Variants in SPDYE2B observed in about 807,000 individuals in gnomAD.
The protein encoded by SPDYE2B is speedy/RINGO cell cycle regulator family member E2B.
intron 5 of SPDYE2B, among the ~76,000 whole-genome samples, chr7:102,657,179 G>T (rs1791893228): frequency 1.4e-5 from 1 of 69,146 alleles, no homozygotes; most frequent in East Asian, 4.1e-4. Context: ...TTTGGGATCT[G>T]AGCTCTGGGC....
At position 102,662,018 on chromosome 7, in the gene SPDYE2B, A is replaced by G. The variant is rs1791947934; in HGVS notation, c.*918A>G. On this transcript the variant is annotated 3_prime_UTR_variant, in exon 9 of 9. Transcript: ENST00000507450. Reference sequence around the variant, plus strand: ...AGATATATATACTAACACGTCTAATATATACTATCTATTTTATTGGTTTAT... The same window carrying G: ...AGATATATATACTAACACGTCTAATGTATACTATCTATTTTATTGGTTTAT... Among the ~76,000 whole-genome samples, 1 of 35,352 alleles carries G rather than the reference A, an allele frequency of 2.8e-5. No individual in the cohort carries two copies. The highest frequency in any genetic ancestry group is 5.2e-5 in the African/African-American group (1 of 19,376). 23.2% of individuals were successfully genotyped at this position (35,352 alleles called of 152,430 possible).
chr7:102,659,901 A>AG lies in SPDYE2B; in HGVS notation c.970dup (p.Ala324GlyfsTer13). ...CCAGTTATACCGTTCCACGAACCCGAGGGCCAGGAAGAACCGCTCTCGCAT... is the reference window on the plus strand; with the variant it reads ...CCAGTTATACCGTTCCACGAACCCGAGGGGCCAGGAAGAACCGCTCTCGCAT... On this transcript the variant is annotated frameshift_variant, in exon 7 of 9. Coordinates refer to ENST00000507450, the MANE Select transcript of SPDYE2B (RefSeq NM_001166339.2). LOFTEE classifies it high-confidence loss of function. 9.7e-6 allele frequency: 3 copies of AG among 309,612 alleles called. No homozygotes were observed. The highest frequency in any genetic ancestry group is 1.6e-5 in the Non-Finnish European group (3 of 183,246). 19.2% of individuals were successfully genotyped at this position (309,612 alleles called of 1,614,324 possible).
At chr7:102,654,324 C>CAAAAAAAAAAAAAAAA (rs1284683166) in intron 3 of SPDYE2B, among the ~76,000 whole-genome samples, 10 of 96,076 alleles carry the variant, frequency 1.0e-4, no homozygotes, top group South Asian at 4.2e-4. Flanking sequence ...GACGCTGTCT[C>CAAAAAAAAAAAAAAAA]AAAAAAAAAA....
chr7:102,651,460 TGGAAG>T (rs1246107725), intron 1 of SPDYE2B, among the ~76,000 whole-genome samples: 32 of 17,082 alleles, frequency 1.9e-3, no homozygotes, highest in African/African-American at 7.5e-3. Context: ...AATCCATAAA[TGGAAG>T]GGAAATTTCT....
In SPDYE2B at chr7:102,662,225, A is replaced by G. The variant is rs1473535026; in HGVS notation, c.*1125A>G. On this transcript the variant is annotated 3_prime_UTR_variant, in exon 9 of 9. Transcript: ENST00000507450. ...GTGTGATGGATATTATAACTGTTATATACACATACATATAATTTTGTTTTC... is the reference window on the plus strand; with the variant it reads ...GTGTGATGGATATTATAACTGTTATGTACACATACATATAATTTTGTTTTC... 1.9e-5 allele frequency among the ~76,000 whole-genome samples: 1 copy of G among 53,450 alleles called. No individual in the cohort carries two copies. The highest frequency in any genetic ancestry group is 4.2e-5 in the African/African-American group (1 of 23,664). The allele number at this position is 53,450 out of a possible 152,430, so 35.1% of individuals were successfully genotyped here. A position where few individuals can be genotyped will look rare whatever the true frequency, so the allele number is the denominator to read the frequency against.
chr7:102,651,104 C>CT lies in SPDYE2B; in HGVS notation c.-422+734dup, dbSNP rs1322924566. Among the ~76,000 whole-genome samples, 5 of 118,610 alleles carry CT rather than the reference C, an allele frequency of 4.2e-5. 1 individual carries two copies. Among genetic ancestry groups the CT allele is most frequent in the African/African-American group, 1.6e-4 (5 of 31,236 alleles). 77.8% of individuals were successfully genotyped at this position (118,610 alleles called of 152,430 possible). ...ACTCTTTTATTTTTTATCAAAAAAA[C>CT]TTTTTTTGACACAGTATCTTGCTGT... On this transcript the variant is annotated intron_variant, in intron 1 of 8. Transcript: ENST00000507450.
At chr7:102,659,449 A>T (rs2133554940) in intron 6 of SPDYE2B, among the ~76,000 whole-genome samples, 1 of 66,598 alleles carries the variant, frequency 1.5e-5, no homozygotes, top group South Asian at 7.4e-4. Context: ...CTGGGATTCC[A>T]GGCGTAAGCC....
At position 102,662,046 on chromosome 7, in the gene SPDYE2B, T is replaced by G. The variant is rs1381613467; in HGVS notation, c.*946T>G. The stretch of plus-strand genomic sequence containing the variant: ...TACTATCTATTTTATTGGTTTATTT[T>G]GAAAAACATGGGTATAGAATTATTT... On this transcript the variant is annotated 3_prime_UTR_variant, in exon 9 of 9. Transcript: ENST00000507450. Among the ~76,000 whole-genome samples, 2 of 52,048 alleles carry G rather than the reference T, an allele frequency of 3.8e-5. 1 individual carries two copies. The highest frequency in any genetic ancestry group is 1.1e-4 in the Non-Finnish European group (2 of 18,860). 34.1% of individuals were successfully genotyped at this position (52,048 alleles called of 152,430 possible).
At position 102,662,039 on chromosome 7, in the gene SPDYE2B, T is replaced by C. The variant is rs1791948494; in HGVS notation, c.*939T>C. On this transcript the variant is annotated 3_prime_UTR_variant, in exon 9 of 9. Transcript: ENST00000507450. ...TAATATATACTATCTATTTTATTGG[T>C]TTATTTTGAAAAACATGGGTATAGA... Among the ~76,000 whole-genome samples the C allele has an allele frequency of 2.0e-5, 1 of 49,520 alleles. No homozygotes were observed. The allele number at this position is 49,520 out of a possible 152,430, so 32.5% of individuals were successfully genotyped here. A position where few individuals can be genotyped will look rare whatever the true frequency, so the allele number is the denominator to read the frequency against.
intron 6 of SPDYE2B, among the ~76,000 whole-genome samples, chr7:102,659,406 C>G: frequency 6.8e-6 from 1 of 146,644 alleles, no homozygotes; most frequent in Non-Finnish European, 1.5e-5. Flanking sequence ...CTCCTGGCCT[C>G]AAGTGATCCT....
intron 2 of SPDYE2B, chr7:102,653,003 GA>G (rs1326353177): frequency 5.3e-4 from 14 of 26,356 alleles, no homozygotes; most frequent in African/African-American, 1.1e-3. Context: ...CCAACATGGT[GA>G]AACCCTGTCT....
At chr7:102,659,360 CG>C (rs1791932499) in intron 6 of SPDYE2B, among the ~76,000 whole-genome samples, 1 of 151,908 alleles carries the variant, frequency 6.6e-6, no homozygotes, top group Admixed American at 6.6e-5. Context: ...TTAATAGAGA[CG>C]AGGGTCTTGC....
chr7:102,650,319 AC>A lies in SPDYE2B; in HGVS notation c.-477del, dbSNP rs1791718696. On this transcript the variant is annotated 5_prime_UTR_variant, in exon 1 of 9. Coordinates refer to ENST00000507450, the MANE Select transcript of SPDYE2B (RefSeq NM_001166339.2). ...AAGGAGGTGCTTCCTGGTTCACCCC[AC>A]CCTCAGCAGAGACAGACCCCAGATC... 1.4e-5 allele frequency: 1 copy of A among 72,382 alleles called. No homozygotes were observed. Among genetic ancestry groups the A allele is most frequent in the African/African-American group, 3.5e-5 (1 of 28,888 alleles). 4.5% of individuals were successfully genotyped at this position (72,382 alleles called of 1,614,324 possible). A position where few individuals can be genotyped will look rare whatever the true frequency, so the allele number is the denominator to read the frequency against.
At position 102,662,187 on chromosome 7, in the gene SPDYE2B, T is replaced by C. The variant is rs1184360551; in HGVS notation, c.*1087T>C. Among the ~76,000 whole-genome samples, 2 of 71,444 alleles carry C rather than the reference T, an allele frequency of 2.8e-5. No individual in the cohort carries two copies. Among genetic ancestry groups the C allele is most frequent in the African/African-American group, 7.3e-5 (2 of 27,566 alleles). The allele number at this position is 71,444 out of a possible 152,430, so 46.9% of individuals were successfully genotyped here. A position where few individuals can be genotyped will look rare whatever the true frequency, so the allele number is the denominator to read the frequency against. ...TACTGGTATTTTTGAATAGATGCTGTTTCTATAAAGCTGTGTGATGGATAT... is the reference window on the plus strand; with the variant it reads ...TACTGGTATTTTTGAATAGATGCTGCTTCTATAAAGCTGTGTGATGGATAT... On this transcript the variant is annotated 3_prime_UTR_variant, in exon 9 of 9. Transcript: ENST00000507450.
intron 3 of SPDYE2B, among the ~76,000 whole-genome samples, chr7:102,654,354 A>C (rs1791818917): frequency 2.1e-4 from 29 of 141,204 alleles, no homozygotes; most frequent in South Asian, 9.9e-4. Flanking sequence ...AAAGGAAGGA[A>C]GGGCCCAGAA....
intron 5 of SPDYE2B, among the ~76,000 whole-genome samples, chr7:102,657,228 A>C (rs1791894977): frequency 1.2e-5 from 1 of 85,158 alleles, no homozygotes; most frequent in African/African-American, 3.6e-5. Flanking sequence ...TGGCCCCTCT[A>C]CTCTCAGCTC....
intron 3 of SPDYE2B, among the ~76,000 whole-genome samples, chr7:102,654,324 CAAA>C (rs1284683166): frequency 2.1e-5 from 2 of 96,082 alleles, no homozygotes; most frequent in African/African-American, 9.7e-5. Flanking sequence ...GACGCTGTCT[CAAA>C]AAAAAAAAAA....
chr7:102,657,265 C>CA (rs1271533908), intron 5 of SPDYE2B, among the ~76,000 whole-genome samples: 1 of 75,136 alleles, frequency 1.3e-5, no homozygotes, highest in East Asian at 4.0e-4. Flanking sequence ...GCCTGGCACA[C>CA]AAAAGACCCT....
chr7:102,654,723 A>G (rs1217162051), intron 3 of SPDYE2B, among the ~76,000 whole-genome samples: 12 of 27,708 alleles, frequency 4.3e-4, no homozygotes, highest in African/African-American at 8.8e-4. Context: ...CAACGAAAAA[A>G]AAAAAAAAAA....
Sources: allele counts gnomAD v4.1 joint callset (sites outside exome capture counted in the v4.1 genomes callset), GRCh38; gene constraint gnomAD v4.1.1; transcripts MANE v1.5; gene names NCBI Gene and HGNC (gene_info 2026-07-23, HGNC 2026-07-21).